PDAP1: variants seen among roughly 807,000 people sequenced by gnomAD.
PDAP1 encodes PDGFA associated protein 1, also known as 28 kDa heat- and acid-stable phosphoprotein.
Under a neutral mutation model 28.0 loss-of-function variants are expected in PDAP1, and 13 were observed. The observed-to-expected ratio is 0.46, with a 90% CI of 0.30 to 0.74. PDAP1 has a LOEUF of 0.74. Among genes scored for constraint, PDAP1 ranks in the 30% least tolerant of loss-of-function variants. PDAP1 has a pLI of 0.07. For missense variants in PDAP1, 150 were observed against 230.0 expected, an observed-to-expected ratio of 0.65 and a Z score of 2.25; for synonymous variants, 77 against 85.1, an observed-to-expected ratio of 0.91 and a Z score of 0.52.
intron 3 of PDAP1, among the ~76,000 whole-genome samples, 199 bp from the exon 4 acceptor site, chr7:99,400,623 C>T (rs1220763961): frequency 2.0e-5 from 3 of 152,298 alleles, no homozygotes; most frequent in East Asian, 1.9e-4. Context: ...GCCCACAGAA[C>T]GGCTGCTCGG....
rs57668352 is a variant in PDAP1, at chr7:99,394,698, G to GAAAAAAAA, written c.*1976_*1983dup. ...TTTTTCTTAAATGCTTTCATTTATT[G>GAAAAAAAA]AAAAAAAAAAAAAATGCCCCCAAAG... On this transcript the variant is annotated 3_prime_UTR_variant, in exon 6 of 6. Transcript: ENST00000350498. The GAAAAAAAA allele has an allele frequency of 6.0e-6, 7 of 1,164,800 alleles. No homozygotes were observed. In the African/African-American group the frequency reaches 1.1e-4, roughly 19 times the overall value. The allele number at this position is 1,164,800 out of a possible 1,614,324, so 72.2% of individuals were successfully genotyped here.
At chr7:99,403,667 T>G in intron 2 of PDAP1, 162 bp from the exon 3 acceptor site, 1 of 688,062 alleles carries the variant, frequency 1.5e-6, no homozygotes, top group Non-Finnish European at 2.6e-6. Flanking sequence ...CCCCAGGGAA[T>G]GGGACCTGGG....
intron 3 of PDAP1, among the ~76,000 whole-genome samples, chr7:99,402,618 C>T (rs1247740359): frequency 6.1e-5 from 9 of 148,156 alleles, no homozygotes; most frequent in Admixed American, 6.1e-4. Context: ...GCTAGTGGCT[C>T]ACGCTTATAA....
At chr7:99,405,651 C>G (rs912689270) in intron 1 of PDAP1, among the ~76,000 whole-genome samples, 22 of 150,672 alleles carry the variant, frequency 1.5e-4, no homozygotes, top group African/African-American at 4.9e-4. Context: ...TGTGAGCCAC[C>G]GCGCCCAGCC....
intron 3 of PDAP1, among the ~76,000 whole-genome samples, chr7:99,402,251 A>C (rs1469595120): frequency 7.0e-6 from 1 of 143,148 alleles, no homozygotes; most frequent in Admixed American, 6.9e-5. Context: ...AAAAAAAAGC[A>C]TATCTGGTCA....
At position 99,396,631 on chromosome 7, in the gene PDAP1, G is replaced by A; in HGVS notation, c.*51C>T. The A allele has an allele frequency of 6.7e-7, 1 of 1,491,764 alleles. No individual in the cohort carries two copies. The highest frequency in any genetic ancestry group is 9.3e-7 in the Non-Finnish European group (1 of 1,070,238). The allele number at this position is 1,491,764 out of a possible 1,614,324, so 92.4% of individuals were successfully genotyped here. A position where few individuals can be genotyped will look rare whatever the true frequency, so the allele number is the denominator to read the frequency against. On this transcript the variant is annotated 3_prime_UTR_variant, in exon 6 of 6. Transcript: ENST00000350498. Reference sequence around the variant, plus strand: ...CACAGGGTGGGCGAGACACAGCAGAGGTCCTGGCAGCGCGGCCCAGGTCCC... The same window carrying A: ...CACAGGGTGGGCGAGACACAGCAGAAGTCCTGGCAGCGCGGCCCAGGTCCC...
chr7:99,399,882 C>T (rs936602510), intron 4 of PDAP1, among the ~76,000 whole-genome samples: 1 of 152,246 alleles, frequency 6.6e-6, no homozygotes, highest in Non-Finnish European at 1.5e-5. Flanking sequence ...GGACAGCTGG[C>T]TGAGCTGCGC....
intron 1 of PDAP1, among the ~76,000 whole-genome samples, chr7:99,405,197 G>A (rs1008602918): frequency 5.9e-5 from 9 of 152,208 alleles, no homozygotes; most frequent in African/African-American, 1.4e-4. Context: ...GACCGGAGGG[G>A]AGAACATGGC....
rs1485910681 is a variant in PDAP1, at chr7:99,397,804, G to T, written c.487+58C>A. 3 of 1,587,438 alleles carry T rather than the reference G, an allele frequency of 1.9e-6. No homozygotes were observed. The African/African-American group carries it at 4.0e-5, about 21-fold the overall frequency. ...GACAGGGACACGAGTTCAGTGCTTTGTGGCTGGCCCAGGACCAGAGTTGGG... is the reference window on the plus strand; with the variant it reads ...GACAGGGACACGAGTTCAGTGCTTTTTGGCTGGCCCAGGACCAGAGTTGGG... On this transcript the variant is annotated intron_variant, in intron 5 of 5. Transcript: ENST00000350498.
intron 3 of PDAP1, among the ~76,000 whole-genome samples, chr7:99,401,973 A>G (rs1333961364): frequency 1.3e-5 from 2 of 152,064 alleles, no homozygotes; most frequent in Admixed American, 1.3e-4. Context: ...ATAATCTTTT[A>G]AAAGCATATC....
chr7:99,405,694 C>G (rs1294266319), intron 1 of PDAP1, among the ~76,000 whole-genome samples: 1 of 152,066 alleles, frequency 6.6e-6, no homozygotes, highest in Non-Finnish European at 1.5e-5. Flanking sequence ...CGGAACAAAC[C>G]TATGGTACAG....
At position 99,400,265 on chromosome 7, in the gene PDAP1, G is replaced by A. The variant is rs1179585344; in HGVS notation, c.335+38C>T. On this transcript the variant is annotated intron_variant, in intron 4 of 5. Transcript: ENST00000350498. ...CATCCCACAGGCCAACTGCTGGCCT[G>A]TATTCCCCGTGACACAAGGCCCAGC... 6 of 1,610,654 alleles carry A rather than the reference G, an allele frequency of 3.7e-6. No homozygotes were observed. In the South Asian group the frequency reaches 6.6e-5, roughly 18 times the overall value.
chr7:99,404,926 G>C lies in PDAP1; in HGVS notation c.41C>G (p.Ala14Gly), dbSNP rs1427087411. Residue 14 changes from alanine (A) to glycine (G), a missense_variant, in exon 2 of 6, where the codon GCG becomes GGG. Coordinates refer to ENST00000350498, the MANE Select transcript of PDAP1 (RefSeq NM_014891.7). ...CTCCTCAGGGCTTGTATACTGCCTC[G>C]CCCGGCCTTTGTGGCCTCCCTTTCT... is the stretch of plus-strand genomic sequence containing the variant. ...GGRKGGHKGR[A>G]RQYTSPEEID... 6.2e-7 allele frequency: 1 copy of C among 1,613,698 alleles called. No individual in the cohort carries two copies. The highest frequency in any genetic ancestry group is 2.2e-5 in the East Asian group (1 of 44,878).
At chr7:99,401,287 C>A (rs10429050) in intron 3 of PDAP1, among the ~76,000 whole-genome samples, 2,405 of 152,260 alleles carry the variant, frequency 0.016, 51 homozygotes, top group African/African-American at 0.055. Context: ...TTAAATTTGT[C>A]CACTCTTCTC....
chr7:99,396,326 C>T lies in PDAP1; in HGVS notation c.*356G>A, dbSNP rs905317098. 1 of 350,788 alleles carries T rather than the reference C, an allele frequency of 2.9e-6. No homozygotes were observed. The highest frequency in any genetic ancestry group is 5.5e-6 in the Non-Finnish European group (1 of 183,050). The allele number at this position is 350,788 out of a possible 1,614,324, so 21.7% of individuals were successfully genotyped here. ...GTCAGCAGCTGCCTCCTGGGACAAC[C>T]ACCCCCTTACATGCTATCTATCTAC... is the stretch of plus-strand genomic sequence containing the variant. On this transcript the variant is annotated 3_prime_UTR_variant, in exon 6 of 6. Coordinates refer to ENST00000350498, the MANE Select transcript of PDAP1 (RefSeq NM_014891.7).
rs1296098106 is a variant in PDAP1, at chr7:99,396,657, C to T, written c.*25G>A. 1.4e-5 allele frequency: 23 copies of T among 1,602,746 alleles called. No individual in the cohort carries two copies. Among genetic ancestry groups the T allele is most frequent in the South Asian group, 1.1e-4 (10 of 90,810 alleles). On this transcript the variant is annotated 3_prime_UTR_variant, in exon 6 of 6. Coordinates refer to ENST00000350498, the MANE Select transcript of PDAP1 (RefSeq NM_014891.7). Reference sequence around the variant, plus strand: ...GTCCTGGCAGCGCGGCCCAGGTCCCCGGCATCTCCTCCCACGGGTCGCAGT... The same window carrying T: ...GTCCTGGCAGCGCGGCCCAGGTCCCTGGCATCTCCTCCCACGGGTCGCAGT...
At chr7:99,396,916 C>T (rs1037036786) in intron 5 of PDAP1, among the ~76,000 whole-genome samples, 176 bp from the exon 6 acceptor site, 6 of 152,092 alleles carry the variant, frequency 3.9e-5, no homozygotes, top group African/African-American at 1.2e-4. Context: ...CCGGGCCCCC[C>T]GACATTCCCG....
intron 5 of PDAP1, among the ~76,000 whole-genome samples, chr7:99,397,332 C>T (rs1255732508): frequency 1.3e-5 from 2 of 152,172 alleles, no homozygotes; most frequent in African/African-American, 4.8e-5. Context: ...TGGACCAACT[C>T]CCATAGCCAC....
At chr7:99,397,668 A>T (rs919732647) in intron 5 of PDAP1, among the ~76,000 whole-genome samples, 194 bp downstream of exon 5, 6 of 152,156 alleles carry the variant, frequency 3.9e-5, no homozygotes, top group African/African-American at 1.4e-4. Flanking sequence ...CGACCCCATG[A>T]TGTCGCTGGA....
Sources: gnomAD v4.1 joint callset for allele counts (sites outside exome capture counted in the v4.1 genomes callset) on GRCh38, gnomAD v4.1.1 for gene constraint, MANE v1.5 for transcripts, NCBI Gene and HGNC (gene_info 2026-07-23, HGNC 2026-07-21) for gene names.